EFNA4: variants seen among roughly 807,000 people sequenced by gnomAD.
EFNA4 encodes ephrin-A4.
A neutral mutation model predicts 23.7 loss-of-function variants in EFNA4; 22 were observed. The observed-to-expected ratio is 0.93, with a 90% CI of 0.66 to 1.32. The LOEUF (loss-of-function observed/expected upper bound fraction) is 1.32, where lower values mean the gene tolerates loss of function less well. EFNA4 is among the 40% of genes most tolerant of loss of function. The pLI is 0.00. For missense variants in EFNA4, 252 were observed against 252.3 expected (o/e 1.00, Z 0.01); for synonymous variants, 113 against 108.3 (o/e 1.04, Z -0.27).
chr1:155,065,938 G>A (rs908450376), intron 1 of EFNA4, among the ~76,000 whole-genome samples: 7 of 151,086 alleles, frequency 4.6e-5, no homozygotes, highest in South Asian at 2.1e-4. Context: ...GGGTTTCACC[G>A]TGTTAGCCAG....
At position 155,067,412 on chromosome 1, in the gene EFNA4, C is replaced by A. The variant is rs1463020576; in HGVS notation, c.441C>A (p.Leu147=). The change falls in exon 3 of 4, where the codon CTC becomes CTA. Residue 147 remains leucine, a synonymous_variant. Transcript: ENST00000368409. ...AGAGTTCTGGCCAGTGCTTGAGGCT[C>A]CAGGTGTCTGTCTGCTGCAAGGAGA... The part of the protein sequence containing the change: ...TPESSGQCLR[L]QVSVCCKERK... The A allele has an allele frequency of 6.2e-7, 1 of 1,614,144 alleles. No homozygotes were observed. Among genetic ancestry groups the A allele is most frequent in the South Asian group, 1.1e-5 (1 of 91,084 alleles).
In EFNA4 at chr1:155,066,877, G is replaced by A. The variant is rs375400864; in HGVS notation, c.261G>A (p.Gln87=). The A allele has an allele frequency of 4.5e-5, 73 of 1,614,006 alleles. No individual in the cohort carries two copies. In the South Asian group the frequency reaches 6.5e-4, roughly 14 times the overall value. The change falls in exon 2 of 4, where the codon CAG becomes CAA. Residue 87 remains glutamine (Q), a synonymous_variant. Coordinates refer to ENST00000368409, the MANE Select transcript of EFNA4 (RefSeq NM_005227.3). ...ACTGGCCAGGCTATGAGTCCTGCCA[G>A]GCAGAGGGCCCCCGGGCCTACAAGC... The part of the protein sequence containing the change: ...MVDWPGYESC[Q]AEGPRAYKRW...
rs767615043 is a variant in EFNA4 at position 155,066,991 on chromosome 1, A to G, written c.375A>G (p.Leu125=). The change falls in exon 2 of 4, where the codon TTA becomes TTG. Residue 125 remains leucine (L), a synonymous_variant. Coordinates refer to ENST00000368409, the MANE Select transcript of EFNA4 (RefSeq NM_005227.3). ...CCTTCTCCCTCGGCTTTGAGTTCTT[A>G]CCTGGAGAGACTTACTACTACATCT... ...FTPFSLGFEF[L]PGETYYYISV... 2 of 1,612,134 alleles carry G rather than the reference A, an allele frequency of 1.2e-6. No individual in the cohort carries two copies. The highest frequency in any genetic ancestry group is 1.7e-6 in the Non-Finnish European group (2 of 1,179,172).
chr1:155,066,708 C>T, intron 1 of EFNA4, 22 bp from the exon 2 acceptor site: 1 of 1,551,070 alleles, frequency 6.4e-7, no homozygotes, highest in Non-Finnish European at 8.7e-7. Context: ...CTCCTCAGCC[C>T]ACCCCTGCGT....
intron 3 of EFNA4, 23 bp downstream of exon 3, chr1:155,067,463 C>T: frequency 6.2e-7 from 1 of 1,613,606 alleles, no homozygotes; most frequent in Non-Finnish European, 8.5e-7. Context: ...GGAGCATGGA[C>T]CCTACTGGCT....
chr1:155,067,485 T>C, intron 3 of EFNA4, 45 bp downstream of exon 3: 1 of 1,605,184 alleles, frequency 6.2e-7, no homozygotes, highest in Non-Finnish European at 8.5e-7. Context: ...ATGTGGGGCC[T>C]TGGGAAGGAG....
rs1464802967 is a variant in EFNA4, at chr1:155,066,874, C to T, written c.258C>T (p.Cys86=). ...YMVDWPGYES[C]QAEGPRAYKR... ...TGGACTGGCCAGGCTATGAGTCCTG[C>T]CAGGCAGAGGGCCCCCGGGCCTACA... is the stretch of plus-strand genomic sequence containing the variant. The change falls in exon 2 of 4, where the codon TGC becomes TGT. Residue 86 remains cysteine (C), a synonymous_variant. Coordinates refer to ENST00000368409, the MANE Select transcript of EFNA4 (RefSeq NM_005227.3). The T allele has an allele frequency of 6.2e-7, 1 of 1,614,108 alleles. No homozygotes were observed. Among genetic ancestry groups the T allele is most frequent in the Non-Finnish European group, 8.5e-7 (1 of 1,180,034 alleles).
In EFNA4 at chr1:155,066,795, A is replaced by G. The variant is rs199992371; in HGVS notation, c.179A>G (p.His60Arg). 7.1e-5 allele frequency: 114 copies of G among 1,612,550 alleles called. No individual in the cohort carries two copies. The highest frequency in any genetic ancestry group is 1.5e-4 in the Admixed American group (9 of 59,624). ...GATTACCTAGACATTGTCTGCCCCC[A>G]CTACGAAGGCCCAGGGCCCCCTGAG... is the stretch of plus-strand genomic sequence containing the variant. ...LNDYLDIVCP[H>R]YEGPGPPEGP... The change falls in exon 2 of 4, where the codon CAC (histidine) becomes CGC (arginine). Residue 60 changes from histidine to arginine, a missense_variant. Coordinates refer to ENST00000368409, the MANE Select transcript of EFNA4 (RefSeq NM_005227.3).
chr1:155,065,662 A>G (rs1046984136), intron 1 of EFNA4, among the ~76,000 whole-genome samples: 3 of 151,252 alleles, frequency 2.0e-5, no homozygotes, highest in Non-Finnish European at 2.9e-5. Flanking sequence ...CAGCCTCCCA[A>G]GTAGCTGGGA....
At position 155,069,536 on chromosome 1, in the gene EFNA4, T is replaced by G. The variant is rs1663131849; in HGVS notation, c.*547T>G. 1 of 207,266 alleles carries G rather than the reference T, an allele frequency of 4.8e-6. No individual in the cohort carries two copies. Among genetic ancestry groups the G allele is most frequent in the African/African-American group, 2.4e-5 (1 of 42,482 alleles). The allele number at this position is 207,266 out of a possible 1,614,324, so 12.8% of individuals were successfully genotyped here. On this transcript the variant is annotated 3_prime_UTR_variant, in exon 4 of 4. Transcript: ENST00000368409. ...CAAACCTTCAATAAACCACTCATCT[T>G]TTTGTTGCCCTCCCCAATCTACTGC...
chr1:155,063,807 A>C lies in EFNA4; in HGVS notation c.-17A>C. 3 of 1,513,004 alleles carry C rather than the reference A, an allele frequency of 2.0e-6. No individual in the cohort carries two copies. The South Asian group carries it at 3.7e-5, about 19-fold the overall frequency. The allele number at this position is 1,513,004 out of a possible 1,614,324, so 93.7% of individuals were successfully genotyped here. ...GCCGGGACCTGCCAGGCCAGACCAAACCGGACCTCGGGGGCGATGCGGCTG... is the reference window on the plus strand; with the variant it reads ...GCCGGGACCTGCCAGGCCAGACCAACCCGGACCTCGGGGGCGATGCGGCTG... On this transcript the variant is annotated 5_prime_UTR_variant, in exon 1 of 4. Coordinates refer to ENST00000368409, the MANE Select transcript of EFNA4 (RefSeq NM_005227.3). The surrounding 1 kb of genome is among the most constrained non-coding windows in gnomAD (Gnocchi z 4.1).
intron 1 of EFNA4, among the ~76,000 whole-genome samples, chr1:155,065,689 C>G (rs1421675887): frequency 1.3e-5 from 2 of 149,440 alleles, no homozygotes; most frequent in Non-Finnish European, 3.0e-5. Context: ...GAGTGCACCA[C>G]CACTCATGGC....
intron 3 of EFNA4, 36 bp downstream of exon 3, chr1:155,067,476 T>C: frequency 6.2e-7 from 1 of 1,610,118 alleles, no homozygotes; most frequent in Non-Finnish European, 8.5e-7. Flanking sequence ...TACTGGCTAA[T>C]GTGGGGCCTT....
In EFNA4 at chr1:155,067,360, C is replaced by A; in HGVS notation, c.401-12C>A. On this transcript the variant is annotated splice_polypyrimidine_tract_variant and intron_variant, in intron 2 of 3. Coordinates refer to ENST00000368409, the MANE Select transcript of EFNA4 (RefSeq NM_005227.3). ...CCCTGTGCTAACTTTTTCCCACTTT[C>A]CCACTACCCAGCGGTGCCCACTCCA... 6.2e-7 allele frequency: 1 copy of A among 1,614,138 alleles called. No individual in the cohort carries two copies. Among genetic ancestry groups the A allele is most frequent in the Non-Finnish European group, 8.5e-7 (1 of 1,180,026 alleles).
At chr1:155,068,045 C>T (rs536584675) in intron 3 of EFNA4, among the ~76,000 whole-genome samples, 70 of 152,244 alleles carry the variant, frequency 4.6e-4, no homozygotes, top group African/African-American at 1.6e-3. Context: ...CTTAGCTTCC[C>T]GAGTAGCTGG....
At chr1:155,067,811 TG>T (rs1275947560) in intron 3 of EFNA4, among the ~76,000 whole-genome samples, 1 of 151,928 alleles carries the variant, frequency 6.6e-6, no homozygotes, top group Non-Finnish European at 1.5e-5. Context: ...TTAGTAGAGA[TG>T]GGGTTTCACC....
In EFNA4 at chr1:155,067,360, C is replaced by G; in HGVS notation, c.401-12C>G. ...CCCTGTGCTAACTTTTTCCCACTTT[C>G]CCACTACCCAGCGGTGCCCACTCCA... On this transcript the variant is annotated splice_polypyrimidine_tract_variant and intron_variant, in intron 2 of 3. Transcript: ENST00000368409. 1.2e-6 allele frequency: 2 copies of G among 1,614,138 alleles called. No homozygotes were observed. The highest frequency in any genetic ancestry group is 1.7e-6 in the Non-Finnish European group (2 of 1,180,026).
intron 1 of EFNA4, among the ~76,000 whole-genome samples, chr1:155,066,082 T>C (rs1663038138): frequency 6.6e-6 from 1 of 152,020 alleles, no homozygotes; most frequent in East Asian, 1.9e-4. Context: ...TTGCCCAGGC[T>C]GGTCTTGAAC....
intron 1 of EFNA4, among the ~76,000 whole-genome samples, chr1:155,064,463 C>T (rs1662942296): frequency 6.6e-6 from 1 of 152,160 alleles, no homozygotes; most frequent in African/African-American, 2.4e-5. Context: ...CCCTTCTAGC[C>T]GAATCACCTC....
Sources: allele counts gnomAD v4.1 joint callset (sites outside exome capture counted in the v4.1 genomes callset), GRCh38; gene constraint gnomAD v4.1.1; non-coding constraint Gnocchi (gnomAD v3.1); transcripts MANE v1.5; gene names NCBI Gene and HGNC (gene_info 2026-07-23, HGNC 2026-07-21).